Variants in TLK1 observed in about 807,000 individuals in gnomAD.
TLK1 encodes the protein serine/threonine-protein kinase tousled-like 1.
TLK1 carries 24 observed loss-of-function variants against 105.3 expected under a neutral mutation model. The ratio of observed to expected loss-of-function variants is 0.23; its 90% CI spans 0.17 to 0.32. The LOEUF (loss-of-function observed/expected upper bound fraction) is 0.32. Ranked by LOEUF, TLK1 falls within the 10% of genes least tolerant of loss-of-function variation. The pLI, the probability that TLK1 is intolerant of heterozygous loss-of-function variation, is 1.00. For missense variants in TLK1, 558 were observed against 910.5 expected, an observed-to-expected ratio of 0.61 and a Z score of 4.98; for synonymous variants, 321 against 310.4, an observed-to-expected ratio of 1.03 and a Z score of -0.36.
chr2:171,213,863 C>T (rs774852215), intron 1 of TLK1, among the ~76,000 whole-genome samples: 5 of 148,116 alleles, frequency 3.4e-5, no homozygotes, highest in East Asian at 2.1e-4. Flanking sequence ...GCTGGGACTA[C>T]AGGCACATGC....
At chr2:171,110,527 C>T (rs952665680) in intron 2 of TLK1, among the ~76,000 whole-genome samples, 8 of 152,166 alleles carry the variant, frequency 5.3e-5, no homozygotes, top group African/African-American at 1.4e-4. Context: ...GAGCAGAATA[C>T]TATTTAGCAT....
At chr2:171,140,519 G>C (rs923534986) in intron 1 of TLK1, among the ~76,000 whole-genome samples, 10 of 152,138 alleles carry the variant, frequency 6.6e-5, no homozygotes, top group Non-Finnish European at 1.0e-4. Context: ...ACAAAAATGA[G>C]ACCCTGAGCC....
At chr2:171,170,789 C>A (rs925626736) in intron 1 of TLK1, among the ~76,000 whole-genome samples, 4 of 152,294 alleles carry the variant, frequency 2.6e-5, no homozygotes, top group African/African-American at 9.6e-5. Context: ...TTGATTAACA[C>A]AATGGACAAA....
intron 1 of TLK1, among the ~76,000 whole-genome samples, chr2:171,171,657 A>C (rs1467346214): frequency 2.6e-5 from 4 of 152,206 alleles, no homozygotes; most frequent in Non-Finnish European, 5.9e-5. Context: ...AAACAAACAA[A>C]AACTTGAACA....
chr2:171,214,207 G>GA (rs1693672501), intron 1 of TLK1, among the ~76,000 whole-genome samples: 1 of 151,942 alleles, frequency 6.6e-6, no homozygotes, highest in African/African-American at 2.4e-5. Flanking sequence ...CCTGTCTCAA[G>GA]AAAAAAGACA....
At chr2:171,081,778 C>T (rs1575582495) in intron 3 of TLK1, 8 of 1,079,058 alleles carry the variant, frequency 7.4e-6, no homozygotes, top group African/African-American at 1.6e-5. Context: ...GGTGCCTGCA[C>T]AGAACTGCAC....
At chr2:171,036,333 C>A (rs569795589) in intron 11 of TLK1, among the ~76,000 whole-genome samples, 1 of 152,250 alleles carries the variant, frequency 6.6e-6, no homozygotes, top group African/African-American at 2.4e-5. Context: ...TAAACCCCAG[C>A]TATTTGGGAG....
At chr2:171,181,710 C>T (rs753363818) in intron 1 of TLK1, among the ~76,000 whole-genome samples, 1 of 152,122 alleles carries the variant, frequency 6.6e-6, no homozygotes, top group Admixed American at 6.5e-5. Context: ...AGAGCAATAA[C>T]CTATTCCTCT....
intron 13 of TLK1, among the ~76,000 whole-genome samples, 160 bp from the exon 14 acceptor site, chr2:171,011,614 A>G (rs1684920462): frequency 1.3e-5 from 2 of 152,142 alleles, no homozygotes; most frequent in South Asian, 4.1e-4. Flanking sequence ...ATTCTCTACC[A>G]GTCTATCTGC....
chr2:171,011,420 A>G lies in TLK1; in HGVS notation c.1369T>C (p.Leu457=), dbSNP rs1427017393. ...CCTCTACCAAGCAGATGAAGTAATA[A>G]ATATCTTTCATTTAATGTTGGGTGA... ...KDHPTLNERY[L]LLHLLGRGGF... is the part of the protein sequence containing the mutation. The change falls in exon 14 of 21, where the codon TTA becomes CTA. Residue 457 remains leucine (L), a synonymous_variant. Coordinates refer to ENST00000431350, the MANE Select transcript of TLK1 (RefSeq NM_012290.5). 6.2e-7 allele frequency: 1 copy of G among 1,613,518 alleles called. No homozygotes were observed. Among genetic ancestry groups the G allele is most frequent in the Non-Finnish European group, 8.5e-7 (1 of 1,179,704 alleles).
At chr2:171,073,754 T>C (rs1688364570) in intron 3 of TLK1, among the ~76,000 whole-genome samples, 1 of 152,108 alleles carries the variant, frequency 6.6e-6, no homozygotes, top group Non-Finnish European at 1.5e-5. Context: ...AATTAAATAC[T>C]GTTTTCTCTT....
At chr2:171,156,434 T>C (rs1212073290) in intron 1 of TLK1, among the ~76,000 whole-genome samples, 2 of 152,246 alleles carry the variant, frequency 1.3e-5, no homozygotes. Flanking sequence ...TTAGTAGATA[T>C]AATCTACATA....
chr2:171,087,016 A>G (rs908347110), intron 2 of TLK1, among the ~76,000 whole-genome samples: 1 of 152,216 alleles, frequency 6.6e-6, no homozygotes, highest in African/African-American at 2.4e-5. Flanking sequence ...GCAGGGAGAC[A>G]TAGCTTAAAT....
At chr2:171,106,015 C>A (rs1689908159) in intron 2 of TLK1, among the ~76,000 whole-genome samples, 1 of 152,196 alleles carries the variant, frequency 6.6e-6, no homozygotes, top group African/African-American at 2.4e-5. Flanking sequence ...CAATGGAATA[C>A]TATTTCACCA....
At chr2:171,189,634 G>A (rs918101231) in intron 1 of TLK1, among the ~76,000 whole-genome samples, 3 of 152,142 alleles carry the variant, frequency 2.0e-5, no homozygotes, top group Admixed American at 2.0e-4. Context: ...ATCATGGGAA[G>A]CATTTCAATT....
chr2:171,142,639 T>C (rs1319985832), intron 1 of TLK1, among the ~76,000 whole-genome samples: 1 of 152,152 alleles, frequency 6.6e-6, no homozygotes, highest in Non-Finnish European at 1.5e-5. Context: ...AACTGACAAA[T>C]TAAACAGAGA....
chr2:171,126,246 A>G lies in TLK1; in HGVS notation c.140-8389T>C, dbSNP rs142411967. Among the ~76,000 whole-genome samples the G allele has an allele frequency of 2.6e-4, 39 of 152,344 alleles. 1 individual carries two copies. In the East Asian group the frequency reaches 5.8e-3, roughly 23 times the overall value. ...TCACTACCCAAATTAGAGATCAATC[A>G]CATTCAATATGATGAAGAAAAATTT... On this transcript the variant is annotated intron_variant, in intron 1 of 20. Transcript: ENST00000431350.
chr2:171,087,729 T>C (rs914991580), intron 2 of TLK1, among the ~76,000 whole-genome samples: 3 of 152,016 alleles, frequency 2.0e-5, no homozygotes, highest in Non-Finnish European at 4.4e-5. Flanking sequence ...CTGGAGAAAG[T>C]ACACATGAGA....
chr2:171,080,162 A>C (rs1413203097), intron 3 of TLK1, among the ~76,000 whole-genome samples: 1 of 149,532 alleles, frequency 6.7e-6, no homozygotes, highest in Non-Finnish European at 1.5e-5. Flanking sequence ...GCACCACTAC[A>C]CTCCAGCCCG....
Sources: allele counts gnomAD v4.1 joint callset (sites outside exome capture counted in the v4.1 genomes callset), GRCh38; gene constraint gnomAD v4.1.1; transcripts MANE v1.5; gene names NCBI Gene and HGNC (gene_info 2026-07-23, HGNC 2026-07-21).